ENG: variants seen among roughly 807,000 people sequenced by gnomAD.
ENG encodes endoglin.
ENG carries 17 observed loss-of-function variants against 71.0 expected under a neutral mutation model. The ratio of observed to expected loss-of-function variants is 0.24; its 90% CI spans 0.16 to 0.36. The LOEUF (loss-of-function observed/expected upper bound fraction) is 0.36, where lower values mean the gene tolerates loss of function less well. Ranked by LOEUF, ENG falls within the 10% of genes least tolerant of loss-of-function variation. The pLI, the probability that ENG is intolerant of heterozygous loss-of-function variation, is 1.00. For synonymous variants in ENG, 360 were observed against 366.9 expected (o/e 0.98, Z 0.21); for missense variants, 749 against 868.3 (o/e 0.86, Z 1.73).
chr9:127,824,598 A>G, intron 7 of ENG, 152 bp from the exon 8 acceptor site: 1 of 1,157,310 alleles, frequency 8.6e-7, no homozygotes, highest in Non-Finnish European at 1.2e-6. Context: ...GGCTCACTGC[A>G]ACCTCCATCT....
chr9:127,840,046 G>A (rs937009487), intron 2 of ENG, among the ~76,000 whole-genome samples: 5 of 152,210 alleles, frequency 3.3e-5, no homozygotes, highest in South Asian at 4.1e-4. Flanking sequence ...CAGGTCCTGC[G>A]CTTGGTGTTT....
intron 8 of ENG, among the ~76,000 whole-genome samples, chr9:127,820,567 G>A (rs1022606521): frequency 6.6e-6 from 1 of 151,136 alleles, no homozygotes; most frequent in African/African-American, 2.4e-5. Context: ...GGTGGCTCAC[G>A]CCTGTAATCC....
At chr9:127,818,050 T>C (rs1457065843) in intron 12 of ENG, 70 bp downstream of exon 12, 28 of 1,611,070 alleles carry the variant, frequency 1.7e-5, no homozygotes, top group Non-Finnish European at 2.2e-5. Context: ...TGGGCTGCCA[T>C]GTCCCTTCCT....
At chr9:127,845,272 C>T (rs1441384569) in intron 1 of ENG, among the ~76,000 whole-genome samples, 1 of 152,242 alleles carries the variant, frequency 6.6e-6, no homozygotes, top group Non-Finnish European at 1.5e-5. Flanking sequence ...CCTCACCGGC[C>T]TCCTTCCTCA....
intron 2 of ENG, among the ~76,000 whole-genome samples, chr9:127,842,834 C>CAACCCATCCA (rs148797940): frequency 8.5e-5 from 13 of 152,190 alleles, no homozygotes; most frequent in African/African-American, 3.1e-4. Flanking sequence ...TGGTCCCCCC[C>CAACCCATCCA]ACCCATCTGG....
intron 1 of ENG, among the ~76,000 whole-genome samples, chr9:127,849,643 C>A (rs1392924378): frequency 6.6e-6 from 1 of 152,196 alleles, no homozygotes; most frequent in Admixed American, 6.5e-5. Context: ...AAGGTAAAGG[C>A]AGGGTCCCAG....
At chr9:127,826,741 T>G in intron 3 of ENG, 69 bp from the exon 4 acceptor site, 1 of 1,586,016 alleles carries the variant, frequency 6.3e-7, no homozygotes, top group Non-Finnish European at 8.6e-7. Flanking sequence ...ATGTAGGAGG[T>G]CAGGAAGTAA....
intron 1 of ENG, among the ~76,000 whole-genome samples, chr9:127,850,251 C>T (rs1831257279): frequency 6.6e-6 from 1 of 152,228 alleles, no homozygotes; most frequent in Non-Finnish European, 1.5e-5. Context: ...TGTCATTTGT[C>T]CCAAGCCTCA....
intron 2 of ENG, among the ~76,000 whole-genome samples, chr9:127,834,458 A>G (rs1181170897): frequency 2.6e-5 from 4 of 151,636 alleles, no homozygotes; most frequent in Non-Finnish European, 5.9e-5. Flanking sequence ...TGCCCAGGCT[A>G]AAGTACAGCG....
At chr9:127,842,091 T>TG (rs1831047636) in intron 2 of ENG, among the ~76,000 whole-genome samples, 1 of 151,838 alleles carries the variant, frequency 6.6e-6, no homozygotes. Context: ...GGGCTGGGAG[T>TG]GGGGGTCTCC....
At chr9:127,818,644 A>G (rs1830392909) in intron 11 of ENG, 72 bp downstream of exon 11, 6 of 1,530,118 alleles carry the variant, frequency 3.9e-6, no homozygotes, top group South Asian at 1.1e-5. Flanking sequence ...CTCTGGAGTC[A>G]TGGTGGGAAG....
chr9:127,834,820 G>A (rs1218084699), intron 2 of ENG, among the ~76,000 whole-genome samples: 5 of 139,316 alleles, frequency 3.6e-5, no homozygotes, highest in Admixed American at 6.9e-5. Context: ...ATAGGTGTGA[G>A]CCACTGCGCC....
chr9:127,829,636 G>A, intron 3 of ENG, 51 bp downstream of exon 3: 4 of 1,610,820 alleles, frequency 2.5e-6, no homozygotes, highest in South Asian at 1.1e-5. Flanking sequence ...TGGACAGTAG[G>A]GACCTCCCAT....
chr9:127,825,422 C>G, intron 5 of ENG, 65 bp from the exon 6 acceptor site: 3 of 1,598,996 alleles, frequency 1.9e-6, no homozygotes, highest in Non-Finnish European at 1.7e-6. Context: ...CGAGGCCTGG[C>G]GTCGGGTGGG....
Position 127,815,436 on chromosome 9 carries a change from C to T in ENG, c.*246G>A. On this transcript the variant is annotated 3_prime_UTR_variant, in exon 15 of 15. Coordinates refer to ENST00000373203, the MANE Select transcript of ENG (RefSeq NM_001114753.3). ...TACAACAGCGTGGCAAGTGGTCTGT[C>T]TCCTGGGCAGCCATATCCCAGACCC... The T allele has an allele frequency of 4.5e-6, 3 of 662,850 alleles. No individual in the cohort carries two copies. The South Asian group carries it at 7.1e-5, about 16-fold the overall frequency. The allele number at this position is 662,850 out of a possible 1,614,324, so 41.1% of individuals were successfully genotyped here.
At chr9:127,850,074 C>T (rs1342949673) in intron 1 of ENG, among the ~76,000 whole-genome samples, 1 of 152,200 alleles carries the variant, frequency 6.6e-6, no homozygotes, top group African/African-American at 2.4e-5. Flanking sequence ...GCTGAGGGTC[C>T]CTTCAGCCTC....
rs752212042 is a variant in ENG at position 127,815,754 on chromosome 9, C to T, written c.1905G>A (p.Ser635=). Residue 635 remains serine, a synonymous_variant, in exon 15 of 15, where the codon TCG becomes TCA. Coordinates refer to ENST00000373203, the MANE Select transcript of ENG (RefSeq NM_001114753.3). ...TGCTGTGGTTGGTGCTGCTGCTCTC[C>T]GAGGAGGCCGGGGCAGCCACCGCCA... ...PVVAVAAPAS[S]ESSSTNHSIG... The T allele has an allele frequency of 1.7e-5, 26 of 1,547,206 alleles. No homozygotes were observed. The highest frequency in any genetic ancestry group is 7.1e-5 in the South Asian group (6 of 84,318).
chr9:127,824,508 C>G, intron 7 of ENG, 62 bp from the exon 8 acceptor site: 2 of 1,191,086 alleles, frequency 1.7e-6, no homozygotes, highest in Non-Finnish European at 2.3e-6. Context: ...GTGCCCGCAC[C>G]AGGCTTTTTT....
intron 2 of ENG, among the ~76,000 whole-genome samples, chr9:127,839,622 C>T (rs1271503474): frequency 1.3e-5 from 2 of 152,150 alleles, no homozygotes; most frequent in East Asian, 1.9e-4. Context: ...GTGGTGCGAA[C>T]TCGGCTCACT....
Sources: gnomAD v4.1 joint callset for allele counts (sites outside exome capture counted in the v4.1 genomes callset) on GRCh38, gnomAD v4.1.1 for gene constraint, MANE v1.5 for transcripts, NCBI Gene and HGNC (gene_info 2026-07-23, HGNC 2026-07-21) for gene names.